NDUFAF6: variants seen among roughly 807,000 people sequenced by gnomAD.
NDUFAF6 encodes the protein NADH:ubiquinone oxidoreductase complex assembly factor 6, also known as NADH dehydrogenase (ubiquinone) complex I, assembly factor 6.
In NDUFAF6, 45 loss-of-function variants were observed where a neutral mutation model predicts 40.8. That is an observed-to-expected ratio of 1.10 (90% CI 0.87 to 1.42). The LOEUF (loss-of-function observed/expected upper bound fraction) is 1.42. Ranked by LOEUF, NDUFAF6 falls within the 40% of genes most tolerant of loss-of-function variation. The pLI, the probability that NDUFAF6 is intolerant of heterozygous loss-of-function variation, is 0.00. For missense variants in NDUFAF6, 435 were observed against 418.5 expected (o/e 1.04, Z -0.34); for synonymous variants, 185 against 155.9 (o/e 1.19, Z -1.39).
intron 1 of NDUFAF6, among the ~76,000 whole-genome samples, chr8:94,938,645 A>G (rs1586727858): frequency 6.6e-6 from 1 of 152,354 alleles, no homozygotes; most frequent in South Asian, 2.1e-4. Context: ...TGATGCCTCC[A>G]TAAGACCCCA....
chr8:95,104,916 C>T (rs1809773929), downstream of NDUFAF6, among the ~76,000 whole-genome samples: 1 of 152,014 alleles, frequency 6.6e-6, no homozygotes, highest in Non-Finnish European at 1.5e-5. Context: ...TTGTTAGTGA[C>T]AGGATCAGGA....
intron 1 of NDUFAF6, among the ~76,000 whole-genome samples, chr8:94,904,279 GA>G (rs1818227337): frequency 7.0e-6 from 1 of 142,474 alleles, no homozygotes; most frequent in African/African-American, 2.6e-5. Context: ...GAGTAGCTGG[GA>G]CTACAGGCAC....
At chr8:95,032,277 A>G (rs1238691834) in intron 2 of NDUFAF6, among the ~76,000 whole-genome samples, 183 bp downstream of exon 2, 1 of 152,252 alleles carries the variant, frequency 6.6e-6, no homozygotes, top group Non-Finnish European at 1.5e-5. Flanking sequence ...AAAACTATCT[A>G]ATGAACTTAA....
intron 9 of NDUFAF6, chr8:95,068,964 C>G (rs1832765975): frequency 6.6e-6 from 1 of 151,888 alleles, no homozygotes; most frequent in Non-Finnish European, 1.5e-5. Context: ...TACCACTTCC[C>G]AATCTTCCTA....
At chr8:95,003,284 A>T (rs900367583) in intron 2 of NDUFAF6, among the ~76,000 whole-genome samples, 5 of 152,264 alleles carry the variant, frequency 3.3e-5, no homozygotes, top group Admixed American at 6.5e-5. Flanking sequence ...ATAAAATATG[A>T]CAAAGGCTCT....
chr8:94,910,611 A>G (rs538599944), intron 1 of NDUFAF6, among the ~76,000 whole-genome samples: 1 of 152,332 alleles, frequency 6.6e-6, no homozygotes, highest in East Asian at 1.9e-4. Context: ...GAATGACTTT[A>G]CTAGGACTGT....
chr8:94,971,893 G>A (rs1473261583), intron 1 of NDUFAF6, among the ~76,000 whole-genome samples: 2 of 151,724 alleles, frequency 1.3e-5, no homozygotes, highest in African/African-American at 4.8e-5. Flanking sequence ...AGCCAAGATT[G>A]TGCCATTGCA....
chr8:94,911,982 A>G (rs1401708673), intron 1 of NDUFAF6, among the ~76,000 whole-genome samples: 1 of 152,214 alleles, frequency 6.6e-6, no homozygotes. Flanking sequence ...ACAGTGCTGC[A>G]TTATTAGAGA....
rs144056363 is a variant in NDUFAF6, at chr8:94,967,706, C to T, written c.-199+9527C>T. On this transcript the variant is annotated intron_variant, in intron 1 of 9. Transcript: ENST00000396111. Reference sequence around the variant, plus strand: ...CTGTAATCCCAGCACTTTGGGAGGCCGAGGTGGGTGGATCACTTGAGGTCA... The same window carrying T: ...CTGTAATCCCAGCACTTTGGGAGGCTGAGGTGGGTGGATCACTTGAGGTCA... Among the ~76,000 whole-genome samples the T allele has an allele frequency of 2.1e-3, 326 of 151,930 alleles. 11 individuals are homozygous for T. In the East Asian group the frequency reaches 0.058, roughly 27 times the overall value.
intron 1 of NDUFAF6, among the ~76,000 whole-genome samples, chr8:94,898,534 C>T (rs1014077672): frequency 1.1e-4 from 17 of 152,182 alleles, no homozygotes; most frequent in African/African-American, 3.9e-4. Flanking sequence ...ACTAAGAGTT[C>T]ATACCGACAT....
chr8:95,086,480 T>C (rs1017847209), intron 2 of NDUFAF6, among the ~76,000 whole-genome samples: 5 of 152,200 alleles, frequency 3.3e-5, no homozygotes, highest in Non-Finnish European at 5.9e-5. Flanking sequence ...TTCTCAGAAA[T>C]AGCAAACTGT....
rs758090426 is a variant in NDUFAF6 at position 95,058,429 on chromosome 8, T to G, written c.*492T>G. On this transcript the variant is annotated 3_prime_UTR_variant, in exon 9 of 9. Transcript: ENST00000396124. ...TATTTGAGGAATATCAGTCACGTGT[T>G]GTGGGCTTTTATCCTTAACGTTTAA... The G allele has an allele frequency of 8.1e-7, 1 of 1,232,086 alleles. No homozygotes were observed. The highest frequency in any genetic ancestry group is 1.0e-6 in the Non-Finnish European group (1 of 988,324). 76.3% of individuals were successfully genotyped at this position (1,232,086 alleles called of 1,614,324 possible). A position where few individuals can be genotyped will look rare whatever the true frequency, so the allele number is the denominator to read the frequency against.
At chr8:95,065,703 A>C (rs1260368225) in intron 9 of NDUFAF6, among the ~76,000 whole-genome samples, 1 of 132,050 alleles carries the variant, frequency 7.6e-6, no homozygotes, top group Admixed American at 7.5e-5. Flanking sequence ...CCACCATCCC[A>C]TGGAATATTC....
intron 2 of NDUFAF6, among the ~76,000 whole-genome samples, chr8:95,005,911 A>C (rs192018221): frequency 6.6e-6 from 1 of 152,112 alleles, no homozygotes; most frequent in Non-Finnish European, 1.5e-5. Flanking sequence ...GCAGTTCCAG[A>C]AACCGGGCAG....
intron 1 of NDUFAF6, among the ~76,000 whole-genome samples, chr8:94,907,052 T>C (rs1818437491): frequency 6.6e-6 from 1 of 152,220 alleles, no homozygotes; most frequent in Non-Finnish European, 1.5e-5. Flanking sequence ...ACCAAGTCCT[T>C]CATGAAGCTT....
At chr8:95,064,295 C>T (rs564717432) in intron 9 of NDUFAF6, among the ~76,000 whole-genome samples, 2 of 151,962 alleles carry the variant, frequency 1.3e-5, no homozygotes, top group Admixed American at 6.6e-5. Context: ...TAAGTTGTTC[C>T]ATTTAAGATG....
chr8:94,993,054 G>T (rs562257459), intron 2 of NDUFAF6, among the ~76,000 whole-genome samples: 1 of 152,340 alleles, frequency 6.6e-6, no homozygotes, highest in South Asian at 2.1e-4. Context: ...AATCCTGGCA[G>T]TTAGAAGTCC....
chr8:94,929,335 G>A (rs1042105754), intron 1 of NDUFAF6: 4 of 151,926 alleles, frequency 2.6e-5, no homozygotes, highest in African/African-American at 9.7e-5. Context: ...AGGCCAGAGT[G>A]GTTAAAGATT....
chr8:95,050,729 T>G (rs1831332253), intron 7 of NDUFAF6, among the ~76,000 whole-genome samples: 1 of 152,124 alleles, frequency 6.6e-6, no homozygotes. Flanking sequence ...GGTGATCAGT[T>G]AGGAGACTTA....
Sources: gnomAD v4.1 joint callset for allele counts (sites outside exome capture counted in the v4.1 genomes callset) on GRCh38, gnomAD v4.1.1 for gene constraint, MANE v1.5 for transcripts, NCBI Gene and HGNC (gene_info 2026-07-23, HGNC 2026-07-21) for gene names.